The following CTBP1 variants were observed in gnomAD, a reference collection of about 807,000 sequenced individuals.
CTBP1 encodes the protein C-terminal binding protein 1.
In CTBP1, 11 loss-of-function variants were observed where a neutral mutation model predicts 42.1. The ratio of observed to expected loss-of-function variants is 0.26; its 90% confidence interval spans 0.16 to 0.43. CTBP1 has a LOEUF of 0.43. CTBP1 is among the 20% of genes least tolerant of loss of function. The pLI, the probability that CTBP1 is intolerant of heterozygous loss-of-function variation, is 1.00. For missense variants in CTBP1, 399 were observed against 624.3 expected, an observed-to-expected ratio of 0.64 and a Z score of 3.85; for synonymous variants, 324 against 277.1, an observed-to-expected ratio of 1.17 and a Z score of -1.68.
intron 1 of CTBP1, 184 bp from the exon 2 acceptor site, chr4:1,241,703 C>T (rs1017502303): frequency 4.9e-6 from 6 of 1,232,776 alleles, no homozygotes; most frequent in Admixed American, 3.2e-5. Flanking sequence ...GCCGCACACA[C>T]GAAGGGCGCT....
chr4:1,243,898 T>G, intron 1 of CTBP1: 1 of 985,482 alleles, frequency 1.0e-6, no homozygotes, highest in Non-Finnish European at 1.2e-6. Flanking sequence ...CTTCTCACCC[T>G]GCAGACGCTT....
At chr4:1,228,069 G>A (rs961655485) in intron 4 of CTBP1, 130 bp downstream of exon 4, 52 of 1,332,956 alleles carry the variant, frequency 3.9e-5, no homozygotes, top group African/African-American at 2.2e-4. Flanking sequence ...ACGGGACCAC[G>A]AACCACCGCC....
intron 5 of CTBP1, among the ~76,000 whole-genome samples, chr4:1,222,502 G>A (rs1729854652): frequency 6.6e-6 from 1 of 152,106 alleles, no homozygotes; most frequent in African/African-American, 2.4e-5. Context: ...GCCAGTGCAG[G>A]GCAGAACGCC....
chr4:1,239,795 C>T (rs1731967093), intron 2 of CTBP1, among the ~76,000 whole-genome samples: 4 of 152,362 alleles, frequency 2.6e-5, no homozygotes, highest in South Asian at 4.1e-4. Context: ...CACTTTCCTT[C>T]AAGATAGGAA....
At chr4:1,228,629 T>C (rs1577048623) in intron 3 of CTBP1, among the ~76,000 whole-genome samples, 1 of 151,992 alleles carries the variant, frequency 6.6e-6, no homozygotes. Flanking sequence ...CCCACTGTGG[T>C]GGCTGAGATG....
intron 4 of CTBP1, among the ~76,000 whole-genome samples, chr4:1,225,911 C>T (rs1052199953): frequency 5.9e-4 from 90 of 151,878 alleles, no homozygotes; most frequent in African/African-American, 2.1e-3. Context: ...CGCGTCACCT[C>T]GCCACCCCGA....
chr4:1,237,442 C>A, intron 3 of CTBP1: 1 of 684,130 alleles, frequency 1.5e-6, no homozygotes. Context: ...GTGTCCACCT[C>A]CTGATGGAGC....
chr4:1,245,076 G>A lies in CTBP1; in HGVS notation c.-188-3557C>T, dbSNP rs772094976. The A allele has an allele frequency of 1.8e-5, 18 of 983,944 alleles. No homozygotes were observed. The South Asian group carries it at 4.2e-4, about 23-fold the overall frequency. 61.0% of individuals were successfully genotyped at this position (983,944 alleles called of 1,614,324 possible). A position where few individuals can be genotyped will look rare whatever the true frequency, so the allele number is the denominator to read the frequency against. On this transcript the variant is annotated intron_variant, in intron 1 of 9. Coordinates refer to ENST00000382952, the MANE Select transcript of CTBP1 (RefSeq NM_001012614.2). ...AACCTCCCCCAGACAGACAAGGCCC[G>A]TCACCCACAGGTTGAAACAGCTCCT... is the stretch of plus-strand genomic sequence containing the variant.
intron 3 of CTBP1, among the ~76,000 whole-genome samples, chr4:1,230,372 C>G (rs781563819): frequency 6.6e-6 from 1 of 152,212 alleles, no homozygotes; most frequent in Non-Finnish European, 1.5e-5. Flanking sequence ...CTTCGGGCAG[C>G]CTGGCAAAGC....
chr4:1,246,120 G>A (rs938216125), intron 1 of CTBP1, among the ~76,000 whole-genome samples: 2 of 152,206 alleles, frequency 1.3e-5, no homozygotes, highest in African/African-American at 4.8e-5. Flanking sequence ...GACGCAGGTG[G>A]CACCTTGTGG....
At position 1,248,712 on chromosome 4, in the gene CTBP1, G is replaced by C. The variant is rs1257255372; in HGVS notation, c.-189+204C>G. ...AGACTGCGGCGCTCGCGCACACGCA[G>C]CGGCCCGCGCATGCGCAAGACCCTT... On this transcript the variant is annotated intron_variant, in intron 1 of 9. Coordinates refer to ENST00000382952, the MANE Select transcript of CTBP1 (RefSeq NM_001012614.2). 1.1e-5 allele frequency: 11 copies of C among 982,004 alleles called. No homozygotes were observed. In the East Asian group the frequency reaches 9.3e-4, roughly 83 times the overall value. 60.8% of individuals were successfully genotyped at this position (982,004 alleles called of 1,614,324 possible).
intron 5 of CTBP1, chr4:1,221,739 G>A (rs1489611330): frequency 2.5e-6 from 1 of 395,952 alleles, no homozygotes; most frequent in Non-Finnish European, 5.0e-6. Flanking sequence ...GCCGCCACGG[G>A]AGAAGGGGGC....
chr4:1,225,631 C>T (rs1730253583), intron 4 of CTBP1, 65 bp from the exon 5 acceptor site: 8 of 1,456,310 alleles, frequency 5.5e-6, no homozygotes, highest in Non-Finnish European at 7.4e-6. Context: ...GACACCGGGG[C>T]CGCCGTGACT....
chr4:1,227,863 G>C (rs375302971), intron 4 of CTBP1, among the ~76,000 whole-genome samples: 1 of 152,230 alleles, frequency 6.6e-6, no homozygotes, highest in East Asian at 1.9e-4. Flanking sequence ...AGACCTATGA[G>C]CCCTATTACA....
chr4:1,241,285 C>G (rs759562096), intron 2 of CTBP1, 40 bp downstream of exon 2: 3 of 790,626 alleles, frequency 3.8e-6, no homozygotes, highest in African/African-American at 3.4e-5. Flanking sequence ...AGAGACCGGC[C>G]GGCTTCACTC....
At chr4:1,232,273 C>T (rs558593536) in intron 3 of CTBP1, among the ~76,000 whole-genome samples, 131 of 152,278 alleles carry the variant, frequency 8.6e-4, no homozygotes, top group African/African-American at 2.7e-3. Flanking sequence ...CCCTACCTCT[C>T]CCGTTTTTAT....
At chr4:1,245,291 C>T (rs1732602512) in intron 1 of CTBP1, 5 of 985,446 alleles carry the variant, frequency 5.1e-6, no homozygotes, top group Non-Finnish European at 4.8e-6. Context: ...GATTCCTCTC[C>T]AGGACATCCG....
chr4:1,248,983 G>T lies in CTBP1; in HGVS notation c.-256C>A. ...AGAGGCGCGAGCGGCCGCGGGCCCCGACCACTCCGGCGCGCTGCGCCGCCG... is the reference window on the plus strand; with the variant it reads ...AGAGGCGCGAGCGGCCGCGGGCCCCTACCACTCCGGCGCGCTGCGCCGCCG... On this transcript the variant is annotated 5_prime_UTR_variant, in exon 1 of 10. Transcript: ENST00000382952. 2.0e-6 allele frequency: 2 copies of T among 979,546 alleles called. No homozygotes were observed. The highest frequency in any genetic ancestry group is 8.3e-5 in the South Asian group (2 of 24,014). 60.7% of individuals were successfully genotyped at this position (979,546 alleles called of 1,614,324 possible).
chr4:1,249,526 C>T (rs947656687), upstream of CTBP1: 568 of 178,634 alleles, frequency 3.2e-3, 3 homozygotes, highest in African/African-American at 0.013. Context: ...CCTTCCCGCT[C>T]CGCCAGCTGC....
Sources: gnomAD v4.1 joint callset for allele counts (sites outside exome capture counted in the v4.1 genomes callset) on GRCh38, gnomAD v4.1.1 for gene constraint, MANE v1.5 for transcripts, NCBI Gene and HGNC (gene_info 2026-07-23, HGNC 2026-07-21) for gene names.